The following SYT16 variants were observed in gnomAD, a reference collection of about 807,000 sequenced individuals.
SYT16 encodes the protein synaptotagmin 16, also known as synaptotagmin-16.
Under a neutral mutation model 61.4 loss-of-function variants are expected in SYT16, and 42 were observed. That is an observed-to-expected ratio of 0.68 (90% CI 0.53 to 0.89). The LOEUF (loss-of-function observed/expected upper bound fraction) is 0.89. Ranked by LOEUF, SYT16 falls within the 40% of genes least tolerant of loss-of-function variation. SYT16 has a pLI of 0.00. For synonymous variants in SYT16, 314 were observed against 302.3 expected (o/e 1.04, Z -0.40); for missense variants, 804 against 807.3 (o/e 1.00, Z 0.05).
chr14:61,876,597 A>G (rs1234455358), intron 1 of SYT16, among the ~76,000 whole-genome samples: 1 of 152,212 alleles, frequency 6.6e-6, no homozygotes, highest in Non-Finnish European at 1.5e-5. Flanking sequence ...AAATGACTCC[A>G]TTTGTTTGAT....
intron 6 of SYT16, among the ~76,000 whole-genome samples, chr14:62,082,567 C>T (rs1376835037): frequency 6.6e-6 from 1 of 152,180 alleles, no homozygotes; most frequent in Non-Finnish European, 1.5e-5. Context: ...GCCTTTGCCT[C>T]TACAGACTCT....
At chr14:61,932,882 G>A (rs2049832837) in intron 1 of SYT16, among the ~76,000 whole-genome samples, 1 of 152,134 alleles carries the variant, frequency 6.6e-6, no homozygotes, top group African/African-American at 2.4e-5. Context: ...TGACATCTCT[G>A]CTCACTCAAA....
intron 1 of SYT16, among the ~76,000 whole-genome samples, chr14:61,850,933 T>C (rs1202321353): frequency 6.6e-6 from 1 of 152,306 alleles, no homozygotes; most frequent in Non-Finnish European, 1.5e-5. Flanking sequence ...CAGGGGTACA[T>C]GTACAAGATG....
chr14:61,968,442 C>G (rs1274718830), intron 1 of SYT16, among the ~76,000 whole-genome samples: 1 of 152,022 alleles, frequency 6.6e-6, no homozygotes. Context: ...GGGAGAGTGG[C>G]TGACAGTATA....
intron 1 of SYT16, among the ~76,000 whole-genome samples, chr14:61,869,401 G>T (rs982740828): frequency 1.3e-5 from 2 of 151,500 alleles, no homozygotes; most frequent in Admixed American, 1.3e-4. Context: ...GGTTTTTTTG[G>T]CTTATTAGCT....
chr14:61,888,125 C>CTTTTTTTTTT (rs756842240), intron 1 of SYT16, among the ~76,000 whole-genome samples: 4 of 134,190 alleles, frequency 3.0e-5, no homozygotes, highest in Admixed American at 7.5e-5. Flanking sequence ...CTTTTCTTTT[C>CTTTTTTTTTT]TTTTTTTTTT....
chr14:62,079,191 C>T, intron 5 of SYT16: 2 of 233,342 alleles, frequency 8.6e-6, no homozygotes, highest in Non-Finnish European at 8.3e-6. Context: ...ATACACTAGT[C>T]AGTTGTATTC....
chr14:62,063,181 T>G (rs2055904392), intron 3 of SYT16, among the ~76,000 whole-genome samples: 2 of 152,152 alleles, frequency 1.3e-5, no homozygotes, highest in African/African-American at 4.8e-5. Context: ...TATCTCCTCC[T>G]GCCTCAGCCC....
chr14:61,831,517 A>G (rs959278444), intron 1 of SYT16, among the ~76,000 whole-genome samples: 3 of 152,120 alleles, frequency 2.0e-5, no homozygotes, highest in Non-Finnish European at 4.4e-5. Context: ...CTAATTCTGG[A>G]AAATTCTTAG....
At chr14:61,858,278 C>T (rs2046848005) in intron 1 of SYT16, among the ~76,000 whole-genome samples, 1 of 152,018 alleles carries the variant, frequency 6.6e-6, no homozygotes, top group Non-Finnish European at 1.5e-5. Context: ...ACTTTTCCAC[C>T]CAGAAGTTAG....
intron 3 of SYT16, among the ~76,000 whole-genome samples, chr14:62,028,420 G>A (rs949637459): frequency 2.0e-5 from 3 of 152,138 alleles, no homozygotes; most frequent in Non-Finnish European, 2.9e-5. Context: ...GGAAGCTGAG[G>A]CACAGAGCAT....
At chr14:61,928,727 A>G (rs1415543918) in intron 1 of SYT16, among the ~76,000 whole-genome samples, 1 of 152,190 alleles carries the variant, frequency 6.6e-6, no homozygotes, top group Non-Finnish European at 1.5e-5. Flanking sequence ...GTTCATAAGC[A>G]CACCGGAGGT....
At chr14:61,893,928 C>A (rs2048228057) in intron 1 of SYT16, among the ~76,000 whole-genome samples, 1 of 152,180 alleles carries the variant, frequency 6.6e-6, no homozygotes, top group African/African-American at 2.4e-5. Context: ...ATCTTGTTAC[C>A]TCAACACATC....
At chr14:61,992,936 T>C (rs927210272) in intron 2 of SYT16, among the ~76,000 whole-genome samples, 1 of 152,186 alleles carries the variant, frequency 6.6e-6, no homozygotes, top group Non-Finnish European at 1.5e-5. Context: ...TGGCTTTTTT[T>C]CTTTAAAACT....
chr14:62,001,157 C>T lies in SYT16; in HGVS notation c.523+4615C>T, dbSNP rs2140654931. Among the ~76,000 whole-genome samples, 2 of 152,156 alleles carry T rather than the reference C, an allele frequency of 1.3e-5. 1 individual carries two copies. The highest frequency in any genetic ancestry group is 4.1e-4 in the South Asian group (2 of 4,826). On this transcript the variant is annotated intron_variant, in intron 3 of 7. Transcript: ENST00000683842. Reference sequence around the variant, plus strand: ...ATTTATGCCACATGAACATATACCACTTATGAATTATCTCAACTTTTCTTT... The same window carrying T: ...ATTTATGCCACATGAACATATACCATTTATGAATTATCTCAACTTTTCTTT...
chr14:61,816,733 C>T (rs1049226981), intron 1 of SYT16, among the ~76,000 whole-genome samples: 7 of 152,242 alleles, frequency 4.6e-5, no homozygotes, highest in South Asian at 2.1e-4. Context: ...CACTCTTGGC[C>T]GGGCGCGGTG....
intron 3 of SYT16, among the ~76,000 whole-genome samples, chr14:62,048,319 G>T (rs1187900571): frequency 1.3e-5 from 2 of 152,138 alleles, no homozygotes; most frequent in African/African-American, 4.8e-5. Flanking sequence ...GATCAGTGGT[G>T]ATATCCCCTT....
At chr14:61,882,903 T>C (rs985118122) in intron 1 of SYT16, among the ~76,000 whole-genome samples, 3 of 152,168 alleles carry the variant, frequency 2.0e-5, no homozygotes, top group African/African-American at 7.2e-5. Context: ...AGTCATGAAA[T>C]CTTAAAGTTC....
rs779480390 is a variant in SYT16, at chr14:62,069,753, C to A, written c.674C>A (p.Pro225Gln). The A allele has an allele frequency of 2.5e-6, 4 of 1,613,962 alleles. No individual in the cohort carries two copies. The South Asian group carries it at 4.4e-5, about 18-fold the overall frequency. The change falls in exon 4 of 8, where the codon CCA becomes CAA. Residue 225 changes from proline (P) to glutamine (Q), a missense_variant. By Grantham distance (76) the Pro-to-Gln change is moderately conservative (BLOSUM62 -1). Coordinates refer to ENST00000683842, the MANE Select transcript of SYT16 (RefSeq NM_001367656.1). ...AAGCAGACAGGATTGGAGCAGAAAC[C>A]AAAATTCAGCCGTTCGTTGTTGACA... Reference protein sequence around the residue: ...KGKQTGLEQKPKFSRSLLTHG... With the variant: ...KGKQTGLEQKQKFSRSLLTHG...
Sources: gnomAD v4.1 joint callset for allele counts (sites outside exome capture counted in the v4.1 genomes callset) on GRCh38, gnomAD v4.1.1 for gene constraint, MANE v1.5 for transcripts, NCBI Gene and HGNC (gene_info 2026-07-23, HGNC 2026-07-21) for gene names.